Variants in NCAN observed in about 807,000 individuals in gnomAD.
NCAN encodes the protein neurocan, also known as neurocan core protein.
In NCAN, 47 loss-of-function variants were observed where a neutral mutation model predicts 121.8. The ratio of observed to expected loss-of-function variants is 0.39; its 90% CI spans 0.31 to 0.49. NCAN has a LOEUF of 0.49. NCAN is among the 20% of genes least tolerant of loss of function. The pLI, the probability that NCAN is intolerant of heterozygous loss-of-function variation, is 0.92. For missense variants in NCAN, 1,517 were observed against 1,773.4 expected (o/e 0.86, Z 2.60); for synonymous variants, 633 against 702.0 (o/e 0.90, Z 1.55).
chr19:19,232,865 C>T (rs1386970829), intron 8 of NCAN: 1 of 152,032 alleles, frequency 6.6e-6, no homozygotes, highest in Non-Finnish European at 1.5e-5. Context: ...GTGCTCGCTT[C>T]AGCAGCACAT....
In NCAN at chr19:19,212,074, C is replaced by T; in HGVS notation, c.-8+10C>T. On this transcript the variant is annotated intron_variant, in intron 1 of 14. Coordinates refer to ENST00000252575, the MANE Select transcript of NCAN (RefSeq NM_004386.3). This position sits in a 1 kb window ranked among gnomAD's most constrained non-coding sequence, Gnocchi z 4.5. ...CCGAGCTAGGAGCCAGGTGGGGGATCCGTGAGGGGGCCGTGTTGCGGGAGA... is the reference window on the plus strand; with the variant it reads ...CCGAGCTAGGAGCCAGGTGGGGGATTCGTGAGGGGGCCGTGTTGCGGGAGA... The T allele has an allele frequency of 5.0e-6, 1 of 198,842 alleles. No homozygotes were observed. The highest frequency in any genetic ancestry group is 5.1e-5 in the South Asian group (1 of 19,622). 12.3% of individuals were successfully genotyped at this position (198,842 alleles called of 1,614,324 possible). A position where few individuals can be genotyped will look rare whatever the true frequency, so the allele number is the denominator to read the frequency against.
intron 1 of NCAN, among the ~76,000 whole-genome samples, chr19:19,213,566 C>T (rs547753212): frequency 1.3e-5 from 2 of 149,888 alleles, no homozygotes; most frequent in East Asian, 4.0e-4. Context: ...CGCCGCCTGT[C>T]TTGTAAGTGC....
intron 3 of NCAN, among the ~76,000 whole-genome samples, chr19:19,219,700 A>C (rs2060809405): frequency 7.4e-6 from 1 of 135,512 alleles, no homozygotes; most frequent in Admixed American, 7.6e-5. Context: ...AAAGGAAAGA[A>C]ATCACTCTCT....
Position 19,248,656 on chromosome 19 carries a change from C to T in NCAN, c.3638-44C>T, listed in dbSNP as rs768769194. On this transcript the variant is annotated intron_variant, in intron 13 of 14. Coordinates refer to ENST00000252575, the MANE Select transcript of NCAN (RefSeq NM_004386.3). The stretch of plus-strand genomic sequence containing the variant: ...CAACAACAACAACAACTAGTTTAGC[C>T]CCAGATGTGAGCACCTCTCTCACTA... The T allele has an allele frequency of 1.1e-5, 18 of 1,577,736 alleles. No individual in the cohort carries two copies. In the East Asian group the frequency reaches 3.6e-4, roughly 32 times the overall value.
chr19:19,244,944 T>A (rs530904469), intron 12 of NCAN, among the ~76,000 whole-genome samples: 4 of 151,892 alleles, frequency 2.6e-5, no homozygotes, highest in African/African-American at 9.7e-5. Context: ...ACTCCTGACC[T>A]CAGGTGATCC....
Position 19,212,092 on chromosome 19 carries a change from G to C in NCAN, c.-8+28G>C. On this transcript the variant is annotated intron_variant, in intron 1 of 14. Transcript: ENST00000252575. The surrounding 1 kb of genome is among the most constrained non-coding windows in gnomAD (Gnocchi z 4.5). The stretch of plus-strand genomic sequence containing the variant: ...GGGGGATCCGTGAGGGGGCCGTGTT[G>C]CGGGAGAAGACTTCGGGATTAGAGA... 1 of 187,062 alleles carries C rather than the reference G, an allele frequency of 5.3e-6. No homozygotes were observed. Among genetic ancestry groups the C allele is most frequent in the South Asian group, 6.1e-5 (1 of 16,378 alleles). 11.6% of individuals were successfully genotyped at this position (187,062 alleles called of 1,614,324 possible).
At chr19:19,217,576 C>T (rs2060800392) in intron 2 of NCAN, among the ~76,000 whole-genome samples, 1 of 152,224 alleles carries the variant, frequency 6.6e-6, no homozygotes, top group African/African-American at 2.4e-5. Context: ...ATTTCCTTTT[C>T]ATTAGCTGTC....
intron 11 of NCAN, 191 bp downstream of exon 11, chr19:19,238,602 T>C (rs1237899580): frequency 1.6e-6 from 1 of 642,390 alleles, no homozygotes; most frequent in Admixed American, 2.7e-5. Context: ...AATTCATACA[T>C]TCACTTCATT....
Position 19,240,609 on chromosome 19 carries a change from G to A in NCAN, c.3416G>A (p.Gly1139Glu). Reference sequence around the variant, plus strand: ...ACAACCCCCGACCCTGCAGGCTTTGGGCATGAAAACACGTGGATCGGCCTG... The same window carrying A: ...ACAACCCCCGACCCTGCAGGCTTTGAGCATGAAAACACGTGGATCGGCCTG... ...PEEHSFINSFGHENTWIGLND... is the reference protein window; with the variant it reads ...PEEHSFINSFEHENTWIGLND... The change falls in exon 12 of 15, where the codon GGG becomes GAG. Residue 1139 changes from glycine (G) to glutamate (E), a missense_variant. Transcript: ENST00000252575. 6.2e-7 allele frequency: 1 copy of A among 1,614,068 alleles called. No homozygotes were observed. The highest frequency in any genetic ancestry group is 1.1e-5 in the South Asian group (1 of 91,086).
rs2060945424 is a variant in NCAN at position 19,251,328 on chromosome 19, A to ATGGT, written c.*1417_*1418insTGGT. 6.6e-6 allele frequency: 1 copy of ATGGT among 152,230 alleles called. No homozygotes were observed. Among genetic ancestry groups the ATGGT allele is most frequent in the Non-Finnish European group, 1.5e-5 (1 of 68,048 alleles). The allele number at this position is 152,230 out of a possible 1,614,324, so 9.4% of individuals were successfully genotyped here. Reference sequence around the variant, plus strand: ...TGGGAAGTAATAATGACCATTGACAACTAAGAAGTAGACACCATGCTAAAG... The same window carrying ATGGT: ...TGGGAAGTAATAATGACCATTGACAATGGTCTAAGAAGTAGACACCATGCTAAAG... On this transcript the variant is annotated 3_prime_UTR_variant, in exon 15 of 15. Transcript: ENST00000252575.
chr19:19,225,006 C>T lies in NCAN; in HGVS notation c.808C>T (p.Arg270Cys). The T allele has an allele frequency of 6.8e-7, 1 of 1,468,920 alleles. No individual in the cohort carries two copies. Among genetic ancestry groups the T allele is most frequent in the Non-Finnish European group, 8.9e-7 (1 of 1,118,068 alleles). 91.0% of individuals were successfully genotyped at this position (1,468,920 alleles called of 1,614,324 possible). A position where few individuals can be genotyped will look rare whatever the true frequency, so the allele number is the denominator to read the frequency against. The part of the protein sequence containing the change: ...GEVFYVGPAR[R>C]LTLAGARAQC... ...GGTCTTCTACGTGGGCCCGGCCCGC[C>T]GCCTGACACTGGCCGGCGCGCGTGC... is the stretch of plus-strand genomic sequence containing the variant. Residue 270 changes from arginine (R) to cysteine (C), a missense_variant, in exon 6 of 15, where the codon CGC becomes TGC. Transcript: ENST00000252575. The surrounding 1 kb of genome is among the most constrained non-coding windows in gnomAD (Gnocchi z 4.0).
chr19:19,219,180 G>C lies in NCAN; in HGVS notation c.339G>C (p.Leu113=), dbSNP rs1306361412. The change falls in exon 3 of 15, where the codon CTG becomes CTC. Residue 113 remains leucine (L), a synonymous_variant. Coordinates refer to ENST00000252575, the MANE Select transcript of NCAN (RefSeq NM_004386.3). ...VAKSWQGRVS[L]PSYPRRRANA... is the part of the protein sequence containing the mutation. The stretch of plus-strand genomic sequence containing the variant: ...AAAGCTGGCAGGGACGAGTGTCACT[G>C]CCTTCCTACCCCCGGCGCCGAGCCA... 2.5e-6 allele frequency: 4 copies of C among 1,612,998 alleles called. No individual in the cohort carries two copies. Among genetic ancestry groups the C allele is most frequent in the Non-Finnish European group, 3.4e-6 (4 of 1,180,034 alleles).
chr19:19,222,818 C>A (rs550285419), intron 3 of NCAN, among the ~76,000 whole-genome samples: 23 of 152,236 alleles, frequency 1.5e-4, no homozygotes, highest in Admixed American at 2.6e-4. Flanking sequence ...CAGGCAAGAA[C>A]CACATTTGGG....
At chr19:19,223,160 A>T (rs1035576235) in intron 3 of NCAN, among the ~76,000 whole-genome samples, 12 of 151,760 alleles carry the variant, frequency 7.9e-5, no homozygotes, top group Admixed American at 2.0e-4. Flanking sequence ...AATAAATAAA[A>T]AAGAACCACA....
At position 19,226,547 on chromosome 19, in the gene NCAN, G is replaced by T; in HGVS notation, c.1134G>T (p.Glu378Asp). The T allele has an allele frequency of 1.9e-6, 3 of 1,613,066 alleles. No homozygotes were observed. The highest frequency in any genetic ancestry group is 1.3e-5 in the African/African-American group (1 of 75,048). ...CCCCATCCTCTGGGGATGAGGGGGA[G>T]ATTCTGTCAGCAGAGGGGCCCCCAG... ...LETPSSGDEGEILSAEGPPVR... is the reference protein window; with the variant it reads ...LETPSSGDEGDILSAEGPPVR... Residue 378 changes from glutamate to aspartate, a missense_variant, in exon 7 of 15, where the codon GAG (glutamate) becomes GAT (aspartate). Physicochemically the swap from Glu to Asp is conservative, Grantham distance 45 (BLOSUM62 2). Coordinates refer to ENST00000252575, the MANE Select transcript of NCAN (RefSeq NM_004386.3).
rs1274642482 is a variant in NCAN, at chr19:19,250,623, C to T, written c.*712C>T. 1 of 163,572 alleles carries T rather than the reference C, an allele frequency of 6.1e-6. No individual in the cohort carries two copies. Among genetic ancestry groups the T allele is most frequent in the Non-Finnish European group, 1.3e-5 (1 of 74,742 alleles). 10.1% of individuals were successfully genotyped at this position (163,572 alleles called of 1,614,324 possible). A position where few individuals can be genotyped will look rare whatever the true frequency, so the allele number is the denominator to read the frequency against. On this transcript the variant is annotated 3_prime_UTR_variant, in exon 15 of 15. Transcript: ENST00000252575. ...GCTAACCCTTCCAGGTCTAGTCCAG[C>T]GCTGAGATTTGGTGGTTCTGCATGT...
chr19:19,236,509 A>G (rs1320371329), intron 10 of NCAN, among the ~76,000 whole-genome samples: 2 of 151,784 alleles, frequency 1.3e-5, no homozygotes, highest in African/African-American at 2.4e-5. Context: ...TTGAATAACT[A>G]TTTGCCATTC....
chr19:19,230,201 C>T (rs536117634), intron 8 of NCAN, among the ~76,000 whole-genome samples: 142 of 151,836 alleles, frequency 9.4e-4, no homozygotes, highest in Non-Finnish European at 1.8e-3. Context: ...CCCGCCACCA[C>T]GCCTGGCTAA....
At position 19,227,592 on chromosome 19, in the gene NCAN, G is replaced by A. The variant is rs755845467; in HGVS notation, c.1972G>A (p.Glu658Lys). The A allele has an allele frequency of 6.2e-7, 1 of 1,613,852 alleles. No individual in the cohort carries two copies. Among genetic ancestry groups the A allele is most frequent in the Non-Finnish European group, 8.5e-7 (1 of 1,180,000 alleles). ...CATCTCCACCGAGGCCAATAGAGTT[G>A]AGGCACATGGTGAGGCCACCGCCAC... ...TPISTEANRV[E>K]AHGEATATAP... Residue 658 changes from glutamate to lysine, a missense_variant, in exon 8 of 15, where the codon GAG (glutamate) becomes AAG (lysine). Coordinates refer to ENST00000252575, the MANE Select transcript of NCAN (RefSeq NM_004386.3). This position sits in a 1 kb window ranked among gnomAD's most constrained non-coding sequence, Gnocchi z 4.2.
Sources: allele counts gnomAD v4.1 joint callset (sites outside exome capture counted in the v4.1 genomes callset), GRCh38; gene constraint gnomAD v4.1.1; non-coding constraint Gnocchi (gnomAD v3.1); transcripts MANE v1.5; gene names NCBI Gene and HGNC (gene_info 2026-07-23, HGNC 2026-07-21).